Variants in LGALS4 observed in about 807,000 individuals in gnomAD.
LGALS4 encodes the protein galectin-4.
LGALS4 carries 37 observed loss-of-function variants against 39.6 expected under a neutral mutation model. That is an observed-to-expected ratio of 0.93 (90% CI 0.72 to 1.23). The LOEUF is 1.23. Among genes scored for constraint, LGALS4 ranks in the 50% most tolerant of loss-of-function variants. LGALS4 has a pLI of 0.00. For synonymous variants in LGALS4, 160 were observed against 165.5 expected, an observed-to-expected ratio of 0.97 and a Z score of 0.25; for missense variants, 397 against 433.2, an observed-to-expected ratio of 0.92 and a Z score of 0.74.
At chr19:38,808,654 A>AAG in intron 3 of LGALS4, 90 bp downstream of exon 3, 1 of 1,042,222 alleles carries the variant, frequency 9.6e-7, no homozygotes, top group Non-Finnish European at 1.4e-6. Context: ...GAAAGAAAGA[A>AAG]AGAAAAGGAA....
At chr19:38,812,281 C>T in intron 2 of LGALS4, 150 bp downstream of exon 2, 1 of 654,562 alleles carries the variant, frequency 1.5e-6, no homozygotes. Flanking sequence ...CCTGATCTGC[C>T]CCAGATTCAT....
At chr19:38,804,178 C>T (rs1971395802) in intron 4 of LGALS4, among the ~76,000 whole-genome samples, 1 of 152,206 alleles carries the variant, frequency 6.6e-6, no homozygotes, top group Non-Finnish European at 1.5e-5. Flanking sequence ...CCGGGGCCCT[C>T]ACTCGCTGAT....
At chr19:38,809,559 G>A (rs1971468465) in intron 2 of LGALS4, among the ~76,000 whole-genome samples, 2 of 148,746 alleles carry the variant, frequency 1.3e-5, no homozygotes, top group Non-Finnish European at 3.0e-5. Context: ...GTGGCTCACT[G>A]CAGCCTCAAC....
At position 38,808,885 on chromosome 19, in the gene LGALS4, C is replaced by G. The variant is rs141345358; in HGVS notation, c.198G>C (p.Pro66=). 5.6e-6 allele frequency: 9 copies of G among 1,614,024 alleles called. No individual in the cohort carries two copies. The Admixed American group carries it at 1.0e-4, about 18-fold the overall frequency. ...CCACCTTGTCCCAGCCGTCAAACCG[C>G]GGATTGAAGTGGAAGGCGACGTCTG... The part of the protein sequence containing the change: ...PGSDVAFHFN[P]RFDGWDKVVF... Residue 66 remains proline, a synonymous_variant, in exon 3 of 10, where the codon CCG becomes CCC. Coordinates refer to ENST00000307751, the MANE Select transcript of LGALS4 (RefSeq NM_006149.4).
Position 38,808,801 on chromosome 19 carries a change from G to A in LGALS4, c.282C>T (p.Pro94=). 6.2e-7 allele frequency: 1 copy of A among 1,614,106 alleles called. No individual in the cohort carries two copies. The highest frequency in any genetic ancestry group is 8.5e-7 in the Non-Finnish European group (1 of 1,180,018). ...WGSEERKRSM[P]FKKGAAFELV... ...GCTCAAAGGCGGCACCCTTTTTGAA[G>A]GGCATGCTCCTCTTCCTCTCCTCGC... The change falls in exon 3 of 10, where the codon CCC becomes CCT. Residue 94 remains proline, a synonymous_variant. Coordinates refer to ENST00000307751, the MANE Select transcript of LGALS4 (RefSeq NM_006149.4).
Position 38,803,690 on chromosome 19 carries a change from A to G in LGALS4, c.540+52T>C, listed in dbSNP as rs376652667. The stretch of plus-strand genomic sequence containing the variant: ...ACCCCTCTTAGCTCCCCCTACCCCA[A>G]TTCTCACCATTCCCACTCCTCACCC... On this transcript the variant is annotated intron_variant, in intron 6 of 9. Transcript: ENST00000307751. 8.1e-5 allele frequency: 130 copies of G among 1,604,276 alleles called. No individual in the cohort carries two copies. The African/African-American group carries it at 1.2e-3, about 15-fold the overall frequency.
At position 38,801,808 on chromosome 19, in the gene LGALS4, A is replaced by G. The variant is rs1223330589; in HGVS notation, c.928T>C (p.Leu310=). Residue 310 remains leucine (L), a synonymous_variant, in exon 10 of 10, where the codon TTG becomes CTG. Coordinates refer to ENST00000307751, the MANE Select transcript of LGALS4 (RefSeq NM_006149.4). ...AAGGTGACATCACCCTGGATTTCCAATGTGTCCACCCTCTGGAAGGCCGAG... is the reference window on the plus strand; with the variant it reads ...AAGGTGACATCACCCTGGATTTCCAGTGTGTCCACCCTCTGGAAGGCCGAG... The part of the protein sequence containing the change: ...RLSAFQRVDT[L]EIQGDVTLSY... 5.6e-6 allele frequency: 9 copies of G among 1,614,220 alleles called. No individual in the cohort carries two copies. Among genetic ancestry groups the G allele is most frequent in the Admixed American group, 1.7e-5 (1 of 60,030 alleles).
At chr19:38,810,979 G>A (rs1278449678) in intron 2 of LGALS4, among the ~76,000 whole-genome samples, 5 of 143,194 alleles carry the variant, frequency 3.5e-5, no homozygotes, top group Non-Finnish European at 6.0e-5. Flanking sequence ...TCGGCTCACC[G>A]AAACCTCCAC....
rs775501246 is a variant in LGALS4 at position 38,812,829 on chromosome 19, G to A, written c.45+13C>T. The A allele has an allele frequency of 1.2e-6, 2 of 1,610,770 alleles. No individual in the cohort carries two copies. Among genetic ancestry groups the A allele is most frequent in the African/African-American group, 1.3e-5 (1 of 74,916 alleles). ...GAGCTGCGGGCGGAGTGGGGCCTGA[G>A]CTGGCATCTCACCGGGTTGTAGGTG... On this transcript the variant is annotated intron_variant, in intron 1 of 9. Coordinates refer to ENST00000307751, the MANE Select transcript of LGALS4 (RefSeq NM_006149.4).
rs1457174738 is a variant in LGALS4, at chr19:38,808,772, A to G, written c.311T>C (p.Val104Ala). The change falls in exon 3 of 10, where the codon GTC (valine) becomes GCC (alanine). Residue 104 changes from valine to alanine, a missense_variant. By Grantham distance (64) the Val-to-Ala change is moderately conservative. Transcript: ENST00000307751. ...PFKKGAAFEL[V>A]FIVLAEHYKV... The stretch of plus-strand genomic sequence containing the variant: ...GTAGTGCTCAGCCAGGACTATGAAG[A>G]CCAGCTCAAAGGCGGCACCCTTTTT... 1 of 1,614,166 alleles carries G rather than the reference A, an allele frequency of 6.2e-7. No homozygotes were observed. Among genetic ancestry groups the G allele is most frequent in the South Asian group, 1.1e-5 (1 of 91,082 alleles).
chr19:38,811,750 A>T (rs1402419342), intron 2 of LGALS4, among the ~76,000 whole-genome samples: 8 of 151,412 alleles, frequency 5.3e-5, no homozygotes, highest in Non-Finnish European at 8.8e-5. Flanking sequence ...GCAGTGGCTC[A>T]CGCCTGTAAT....
Position 38,806,401 on chromosome 19 carries a change from A to C in LGALS4, c.474+60T>G. 1.9e-6 allele frequency: 3 copies of C among 1,542,060 alleles called. 1 individual carries two copies. The South Asian group carries it at 3.6e-5, about 19-fold the overall frequency. On this transcript the variant is annotated intron_variant, in intron 4 of 9. Transcript: ENST00000307751. ...AAGAAAAAAAGAAAAAAAGAAAAAA[A>C]ATGAATGTGGAACTGAATTTAGAAA...
At chr19:38,802,183 T>C in intron 8 of LGALS4, 26 bp from the exon 9 acceptor site, 3 of 1,609,848 alleles carry the variant, frequency 1.9e-6, no homozygotes, top group Non-Finnish European at 2.5e-6. Flanking sequence ...GATGGGGGAG[T>C]CAGATGGAGT....
Position 38,803,622 on chromosome 19 carries a change from C to A in LGALS4, c.541-71G>T, listed in dbSNP as rs745319095. 70 of 1,597,618 alleles carry A rather than the reference C, an allele frequency of 4.4e-5. 3 individuals carry two copies. The South Asian group carries it at 7.0e-4, about 16-fold the overall frequency. The stretch of plus-strand genomic sequence containing the variant: ...ATATCTATGACACACCCATTAGACT[C>A]CGGCGTTTCTCTAGGTGCTGGGTTA... On this transcript the variant is annotated intron_variant, in intron 6 of 9. Coordinates refer to ENST00000307751, the MANE Select transcript of LGALS4 (RefSeq NM_006149.4).
rs193088620 is a variant in LGALS4, at chr19:38,805,205, T to C, written c.474+1256A>G. On this transcript the variant is annotated intron_variant, in intron 4 of 9. Coordinates refer to ENST00000307751, the MANE Select transcript of LGALS4 (RefSeq NM_006149.4). ...ATAATAATAATAATAATAATAATAA[T>C]AATATTGATAAACTCAATTTAATTG... is the stretch of plus-strand genomic sequence containing the variant. 1.6e-3 allele frequency among the ~76,000 whole-genome samples: 230 copies of C among 147,658 alleles called. 1 individual carries two copies. The highest frequency in any genetic ancestry group is 4.3e-3 in the Admixed American group (63 of 14,664).
At chr19:38,804,614 C>T (rs1971400798) in intron 4 of LGALS4, among the ~76,000 whole-genome samples, 1 of 152,088 alleles carries the variant, frequency 6.6e-6, no homozygotes, top group Non-Finnish European at 1.5e-5. Context: ...GTAATTAACT[C>T]CATTCTGCCT....
At chr19:38,808,233 G>A (rs927633356) in intron 3 of LGALS4, among the ~76,000 whole-genome samples, 1 of 151,830 alleles carries the variant, frequency 6.6e-6, no homozygotes, top group African/African-American at 2.4e-5. Flanking sequence ...ATAAATGAAG[G>A]AGGGAAGGAG....
intron 4 of LGALS4, among the ~76,000 whole-genome samples, chr19:38,805,208 T>TAATAATAAAAAA (rs143505798): frequency 1.3e-4 from 19 of 148,250 alleles, no homozygotes; most frequent in Admixed American, 6.1e-4. Flanking sequence ...ATAATAATAA[T>TAATAATAAAAAA]ATTGATAAAC....
In LGALS4 at chr19:38,802,403, G is replaced by A; in HGVS notation, c.572C>T (p.Pro191Leu). Residue 191 changes from proline (P) to leucine (L), a missense_variant and splice_region_variant, in exon 8 of 10, where the codon CCT becomes CTT. Physicochemically the swap from Pro to Leu is moderately conservative, Grantham distance 98 (BLOSUM62 -3). Coordinates refer to ENST00000307751, the MANE Select transcript of LGALS4 (RefSeq NM_006149.4). ...TMEGPPTFNP[P>L]VPYFGRLQGG... The stretch of plus-strand genomic sequence containing the variant: ...TTGCAGCCTCCCGAAATATGGCACA[G>A]GCTGTGGGAAGAGAACGGGGGGTCC... The A allele has an allele frequency of 6.2e-7, 1 of 1,613,804 alleles. No individual in the cohort carries two copies. The highest frequency in any genetic ancestry group is 8.5e-7 in the Non-Finnish European group (1 of 1,179,640).
Sources: allele counts gnomAD v4.1 joint callset (sites outside exome capture counted in the v4.1 genomes callset), GRCh38; gene constraint gnomAD v4.1.1; transcripts MANE v1.5; gene names NCBI Gene and HGNC (gene_info 2026-07-23, HGNC 2026-07-21).